Variants in TAF4B observed in about 807,000 individuals in gnomAD.
TAF4B encodes transcription initiation factor TFIID subunit 4B.
A neutral mutation model predicts 86.4 loss-of-function variants in TAF4B; 38 were observed. The ratio of observed to expected loss-of-function variants is 0.44; its 90% confidence interval spans 0.34 to 0.58. The LOEUF is 0.58. Among genes scored for constraint, TAF4B ranks in the 20% least tolerant of loss-of-function variants. The pLI, the probability that TAF4B is intolerant of heterozygous loss-of-function variation, is 0.02. For synonymous variants in TAF4B, 388 were observed against 391.2 expected, an observed-to-expected ratio of 0.99 and a Z score of 0.10; for missense variants, 988 against 1,027.6, an observed-to-expected ratio of 0.96 and a Z score of 0.53.
intron 14 of TAF4B, among the ~76,000 whole-genome samples, chr18:26,382,120 C>T (rs566880227): frequency 6.6e-6 from 1 of 152,256 alleles, no homozygotes; most frequent in East Asian, 1.9e-4. Flanking sequence ...TATATTATAG[C>T]TCTTACTTAT....
intron 1 of TAF4B, among the ~76,000 whole-genome samples, chr18:26,229,571 C>A (rs915421766): frequency 6.7e-6 from 1 of 148,254 alleles, no homozygotes; most frequent in Non-Finnish European, 1.5e-5. Context: ...GGCATAATCT[C>A]GGCTCACTGC....
intron 1 of TAF4B, among the ~76,000 whole-genome samples, chr18:26,237,287 T>C (rs1411097713): frequency 6.6e-6 from 1 of 152,212 alleles, no homozygotes; most frequent in Non-Finnish European, 1.5e-5. Context: ...GATCTAACAA[T>C]AGCAAGACAT....
chr18:26,262,605 A>C (rs892818107), intron 1 of TAF4B, among the ~76,000 whole-genome samples: 2 of 151,370 alleles, frequency 1.3e-5, no homozygotes, highest in Non-Finnish European at 2.9e-5. Flanking sequence ...CTCCTGAGTT[A>C]CTACTCAGGA....
chr18:26,307,728 T>A (rs2056809159), intron 9 of TAF4B, among the ~76,000 whole-genome samples: 1 of 152,204 alleles, frequency 6.6e-6, no homozygotes, highest in Non-Finnish European at 1.5e-5. Context: ...AATTTTAATG[T>A]CCATTTTTTC....
chr18:26,358,696 C>A (rs894426936), intron 14 of TAF4B, among the ~76,000 whole-genome samples: 1 of 151,974 alleles, frequency 6.6e-6, no homozygotes, highest in Non-Finnish European at 1.5e-5. Flanking sequence ...GGCGACAGAG[C>A]GAGACTCCGT....
chr18:26,294,711 G>A lies in TAF4B; in HGVS notation c.1832+1180G>A, dbSNP rs1048032711. ...GTATATATACAGAAATATAACATTTGTATATATAGAAATTATGCAGTTAAA... is the reference window on the plus strand; with the variant it reads ...GTATATATACAGAAATATAACATTTATATATATAGAAATTATGCAGTTAAA... On this transcript the variant is annotated intron_variant, in intron 9 of 14. Coordinates refer to ENST00000269142, the MANE Select transcript of TAF4B (RefSeq NM_005640.3). Among the ~76,000 whole-genome samples, 4 of 149,646 alleles carry A rather than the reference G, an allele frequency of 2.7e-5. No individual in the cohort carries two copies. In the East Asian group the frequency reaches 7.8e-4, roughly 29 times the overall value.
At chr18:26,275,524 A>G (rs182107372) in intron 5 of TAF4B, among the ~76,000 whole-genome samples, 1 of 152,212 alleles carries the variant, frequency 6.6e-6, no homozygotes, top group African/African-American at 2.4e-5. Flanking sequence ...TGTAAAGACT[A>G]TAAATCTTGG....
At chr18:26,229,418 A>G (rs1302707043) in intron 1 of TAF4B, among the ~76,000 whole-genome samples, 1 of 152,178 alleles carries the variant, frequency 6.6e-6, no homozygotes, top group East Asian at 1.9e-4. Flanking sequence ...GAAGAATAAA[A>G]TGGAAACACT....
intron 14 of TAF4B, among the ~76,000 whole-genome samples, chr18:26,378,020 T>A (rs1407327852): frequency 6.6e-6 from 1 of 152,214 alleles, no homozygotes; most frequent in African/African-American, 2.4e-5. Context: ...AGATGTTTTT[T>A]AAAATGCTGC....
chr18:26,232,464 C>A (rs1472989898), intron 1 of TAF4B, among the ~76,000 whole-genome samples: 1 of 152,078 alleles, frequency 6.6e-6, no homozygotes, highest in Non-Finnish European at 1.5e-5. Context: ...TGGCCTCGAT[C>A]CTGAAGGAAA....
intron 9 of TAF4B, among the ~76,000 whole-genome samples, chr18:26,296,837 CA>C (rs748972653): frequency 1.1e-4 from 16 of 152,040 alleles, no homozygotes; most frequent in Non-Finnish European, 1.5e-4. Flanking sequence ...CTGTCAAAGT[CA>C]AATTAAAAAT....
At chr18:26,279,714 AACT>A (rs1005942812) in intron 5 of TAF4B, among the ~76,000 whole-genome samples, 1 of 152,172 alleles carries the variant, frequency 6.6e-6, no homozygotes, top group African/African-American at 2.4e-5. Context: ...GCACACCTAC[AACT>A]ATCTGATCTT....
chr18:26,272,371 C>T (rs1215316509), intron 3 of TAF4B, among the ~76,000 whole-genome samples: 3 of 152,160 alleles, frequency 2.0e-5, no homozygotes, highest in Admixed American at 1.3e-4. Flanking sequence ...TGTCTCTATT[C>T]CTGACAGGCC....
chr18:26,249,654 C>G (rs1359596724), intron 1 of TAF4B, among the ~76,000 whole-genome samples: 1 of 152,164 alleles, frequency 6.6e-6, no homozygotes, highest in Non-Finnish European at 1.5e-5. Context: ...TGTGATACCA[C>G]TTTTATATCC....
intron 1 of TAF4B, among the ~76,000 whole-genome samples, chr18:26,260,866 C>A (rs146412675): frequency 1.3e-5 from 2 of 152,148 alleles, no homozygotes; most frequent in Non-Finnish European, 2.9e-5. Flanking sequence ...TTCCTTTGAA[C>A]ATACTTATAA....
intron 1 of TAF4B, among the ~76,000 whole-genome samples, chr18:26,228,273 G>C (rs542396587): frequency 6.6e-6 from 1 of 152,196 alleles, no homozygotes; most frequent in African/African-American, 2.4e-5. Flanking sequence ...CTGCAAAGAT[G>C]GTAAAAAAGG....
intron 1 of TAF4B, among the ~76,000 whole-genome samples, chr18:26,250,887 G>A (rs17224551): frequency 0.043 from 6,617 of 152,254 alleles, 200 homozygotes; most frequent in Non-Finnish European, 0.061. Flanking sequence ...TGTAAATGGA[G>A]GATAGGGGAG....
chr18:26,318,674 A>G (rs1413505630), intron 10 of TAF4B, among the ~76,000 whole-genome samples: 1 of 152,230 alleles, frequency 6.6e-6, no homozygotes, highest in African/African-American at 2.4e-5. Context: ...GATTTTGTTA[A>G]AAAGGGTGTT....
intron 8 of TAF4B, 115 bp downstream of exon 8, chr18:26,292,496 C>A: frequency 9.1e-7 from 1 of 1,102,062 alleles, no homozygotes; most frequent in Non-Finnish European, 1.3e-6. Flanking sequence ...AAAGTTGGCA[C>A]CCATTGAGAG....
Sources: allele counts gnomAD v4.1 joint callset (sites outside exome capture counted in the v4.1 genomes callset), GRCh38; gene constraint gnomAD v4.1.1; transcripts MANE v1.5; gene names NCBI Gene and HGNC (gene_info 2026-07-23, HGNC 2026-07-21).